Variants in PTPRD observed in about 807,000 individuals in gnomAD.
The protein encoded by PTPRD is protein tyrosine phosphatase receptor type D.
Under a neutral mutation model 214.5 loss-of-function variants are expected in PTPRD, and 34 were observed. The observed-to-expected ratio is 0.16, with a 90% CI of 0.12 to 0.21. The LOEUF (loss-of-function observed/expected upper bound fraction) is 0.21. Among genes scored for constraint, PTPRD ranks in the 10% least tolerant of loss-of-function variants. PTPRD has a pLI of 1.00. For missense variants in PTPRD, 2,545 were observed against 2,398.7 expected (o/e 1.06, Z -1.27); for synonymous variants, 1,128 against 845.7 (o/e 1.33, Z -5.79).
At chr9:9,147,727 G>T (rs909218780) in intron 10 of PTPRD, among the ~76,000 whole-genome samples, 2 of 151,796 alleles carry the variant, frequency 1.3e-5, no homozygotes, top group Non-Finnish European at 2.9e-5. Context: ...TTTACTATTT[G>T]GCCCTTTATA....
intron 5 of PTPRD, among the ~76,000 whole-genome samples, chr9:9,774,338 A>T (rs981317863): frequency 6.6e-6 from 1 of 152,198 alleles, no homozygotes; most frequent in African/African-American, 2.4e-5. Context: ...ATACATTCAC[A>T]TTTTAAGATG....
At chr9:9,917,268 G>C (rs1292238809) in intron 5 of PTPRD, among the ~76,000 whole-genome samples, 12 of 101,618 alleles carry the variant, frequency 1.2e-4, no homozygotes, top group Non-Finnish European at 2.4e-4. Flanking sequence ...TTGGGTTTCT[G>C]AGAAGATGAA....
At chr9:9,802,097 A>C (rs2099044407) in intron 5 of PTPRD, among the ~76,000 whole-genome samples, 1 of 152,074 alleles carries the variant, frequency 6.6e-6, no homozygotes, top group Non-Finnish European at 1.5e-5. Context: ...AAGTTGCTTA[A>C]GGTTTATTAG....
chr9:10,312,374 AGTATTTTAGT>A (rs1384252224), intron 3 of PTPRD, among the ~76,000 whole-genome samples: 1 of 152,006 alleles, frequency 6.6e-6, no homozygotes, highest in East Asian at 1.9e-4. Flanking sequence ...ACAATTAAAT[AGTATTTTAGT>A]ACTGTAGGAA....
At chr9:9,938,766 T>A (rs1378500811) in intron 4 of PTPRD, among the ~76,000 whole-genome samples, 156 bp from the exon 5 acceptor site, 1 of 152,150 alleles carries the variant, frequency 6.6e-6, no homozygotes, top group Non-Finnish European at 1.5e-5. Flanking sequence ...ATAATTTACA[T>A]CTGAGGGATT....
chr9:8,724,627 T>G (rs1396357433), intron 12 of PTPRD, among the ~76,000 whole-genome samples: 1 of 152,126 alleles, frequency 6.6e-6, no homozygotes, highest in Non-Finnish European at 1.5e-5. Context: ...GAGCCTTGTC[T>G]TACCCAGTCT....
intron 8 of PTPRD, among the ~76,000 whole-genome samples, chr9:9,486,988 G>C (rs937616927): frequency 6.6e-6 from 1 of 152,086 alleles, no homozygotes; most frequent in Non-Finnish European, 1.5e-5. Context: ...TCTGGTGCCA[G>C]TACCATATTA....
intron 8 of PTPRD, among the ~76,000 whole-genome samples, chr9:9,485,350 A>G (rs1288939035): frequency 6.6e-6 from 1 of 152,218 alleles, no homozygotes; most frequent in East Asian, 1.9e-4. Flanking sequence ...CATTTAGAAG[A>G]AACGTTTTGG....
intron 10 of PTPRD, among the ~76,000 whole-genome samples, chr9:9,061,782 C>A (rs1488633659): frequency 6.6e-6 from 1 of 152,116 alleles, no homozygotes; most frequent in Non-Finnish European, 1.5e-5. Flanking sequence ...AGCAGGTTTG[C>A]CTCTGTGTAC....
intron 11 of PTPRD, among the ~76,000 whole-genome samples, chr9:9,013,483 G>GT (rs570442999): frequency 1.3e-4 from 20 of 152,150 alleles, no homozygotes; most frequent in East Asian, 9.7e-4. Context: ...AACAAATAGT[G>GT]TTTTTTTGTG....
intron 9 of PTPRD, among the ~76,000 whole-genome samples, chr9:9,185,908 G>A (rs1593139287): frequency 6.7e-6 from 1 of 148,650 alleles, no homozygotes; most frequent in East Asian, 2.0e-4. Context: ...CCACACAAGT[G>A]CCTTTCTTTT....
intron 9 of PTPRD, among the ~76,000 whole-genome samples, chr9:9,271,793 A>G (rs887859875): frequency 6.6e-6 from 1 of 151,546 alleles, no homozygotes; most frequent in African/African-American, 2.4e-5. Context: ...GAAGAAATTT[A>G]GGGTTTGATT....
At chr9:8,835,813 T>C (rs2097407004) in intron 11 of PTPRD, among the ~76,000 whole-genome samples, 1 of 152,148 alleles carries the variant, frequency 6.6e-6, no homozygotes, top group Admixed American at 6.6e-5. Flanking sequence ...GCTGGGACCA[T>C]AGGCATGAGC....
chr9:9,696,497 T>C (rs1169865276), intron 7 of PTPRD, among the ~76,000 whole-genome samples: 1 of 152,158 alleles, frequency 6.6e-6, no homozygotes, highest in African/African-American at 2.4e-5. Context: ...TTTGTGTGCA[T>C]AGATATTTGT....
At chr9:9,916,989 A>C (rs548915276) in intron 5 of PTPRD, among the ~76,000 whole-genome samples, 1 of 151,862 alleles carries the variant, frequency 6.6e-6, no homozygotes, top group Non-Finnish European at 1.5e-5. Flanking sequence ...TTAAGAATGA[A>C]ATTTAAAAAT....
chr9:10,005,139 C>T (rs922660939), intron 4 of PTPRD, among the ~76,000 whole-genome samples: 1 of 151,948 alleles, frequency 6.6e-6, no homozygotes, highest in Non-Finnish European at 1.5e-5. Context: ...ATTTAAAGGT[C>T]ATTGTATAAC....
chr9:9,330,373 G>A lies in PTPRD; in HGVS notation c.-203+67076C>T, dbSNP rs114659869. On this transcript the variant is annotated intron_variant, in intron 9 of 45. Coordinates refer to ENST00000381196, the MANE Select transcript of PTPRD (RefSeq NM_002839.4). ...CATATACATATTCTCTCCACCTGCCGCAGACTTTTTAAAATAAGGTTATCT... is the reference window on the plus strand; with the variant it reads ...CATATACATATTCTCTCCACCTGCCACAGACTTTTTAAAATAAGGTTATCT... Among the ~76,000 whole-genome samples, 551 of 152,090 alleles carry A rather than the reference G, an allele frequency of 3.6e-3. 5 individuals are homozygous for A. Among genetic ancestry groups the A allele is most frequent in the African/African-American group, 0.013 (522 of 41,494 alleles).
At chr9:9,564,540 T>C (rs553240779) in intron 8 of PTPRD, among the ~76,000 whole-genome samples, 1 of 152,106 alleles carries the variant, frequency 6.6e-6, no homozygotes, top group Non-Finnish European at 1.5e-5. Context: ...ATTTACTAGA[T>C]GATTCTCTTG....
intron 11 of PTPRD, among the ~76,000 whole-genome samples, chr9:8,851,953 C>A (rs1325078495): frequency 6.6e-6 from 1 of 152,076 alleles, no homozygotes; most frequent in African/African-American, 2.4e-5. Context: ...GTATTACATG[C>A]ACGCATGGTT....
Sources: gnomAD v4.1 joint callset for allele counts (sites outside exome capture counted in the v4.1 genomes callset) on GRCh38, gnomAD v4.1.1 for gene constraint, MANE v1.5 for transcripts, NCBI Gene and HGNC (gene_info 2026-07-23, HGNC 2026-07-21) for gene names.